The following PYY variants were observed in gnomAD, a reference collection of about 807,000 sequenced individuals.
PYY encodes peptide YY.
Under a neutral mutation model 10.3 loss-of-function variants are expected in PYY, and 12 were observed. The observed-to-expected ratio is 1.17, with a 90% CI of 0.75 to 1.89. The LOEUF (loss-of-function observed/expected upper bound fraction) is 1.89. PYY is among the 40% of genes most tolerant of loss of function. PYY has a pLI of 0.00. For missense variants in PYY, 141 were observed against 134.0 expected, an observed-to-expected ratio of 1.05 and a Z score of -0.26; for synonymous variants, 66 against 62.0, an observed-to-expected ratio of 1.06 and a Z score of -0.30.
At chr17:43,993,352 G>C (rs1054151081) in intron 1 of PYY, among the ~76,000 whole-genome samples, 6 of 152,070 alleles carry the variant, frequency 3.9e-5, no homozygotes, top group African/African-American at 1.4e-4. Context: ...CCAGGTACTC[G>C]GGAGGCTGAG....
At chr17:43,963,570 A>AAAAAGAAAGAAAGAAAGAAAG (rs1404696451) in intron 2 of PYY, among the ~76,000 whole-genome samples, 5 of 104,676 alleles carry the variant, frequency 4.8e-5, no homozygotes, top group African/African-American at 1.8e-4. Context: ...GGAAGGAAGG[A>AAAAAGAAAGAAAGAAAGAAAG]AAAGAAAGAA....
At position 43,987,553 on chromosome 17, in the gene PYY, A is replaced by T. The variant is rs1046601700; in HGVS notation, c.-463+16838T>A. Among the ~76,000 whole-genome samples the T allele has an allele frequency of 6.6e-6, 1 of 152,112 alleles. No individual in the cohort carries two copies. The highest frequency in any genetic ancestry group is 1.5e-5 in the Non-Finnish European group (1 of 68,008). The stretch of plus-strand genomic sequence containing the variant: ...TGAATCCTCAGTCCCCCATCCAGCA[A>T]TCTGTCTCCAGGTCTTGGAGCAGAC... On this transcript the variant is annotated intron_variant, in intron 1 of 6. Coordinates refer to the PYY transcript ENST00000360085. The surrounding 1 kb of genome is among the most constrained non-coding windows in gnomAD (Gnocchi z 4.0).
At chr17:43,971,950 G>A (rs1383934384) in intron 1 of PYY, among the ~76,000 whole-genome samples, 2 of 151,818 alleles carry the variant, frequency 1.3e-5, no homozygotes, top group East Asian at 3.9e-4. Context: ...AGGTCATGAA[G>A]ATTTTCCCCT....
rs1451903175 is a variant in PYY at position 43,975,757 on chromosome 17, C to CAT, written c.-462-9226_-462-9225insAT. 2.1e-4 allele frequency among the ~76,000 whole-genome samples: 29 copies of CAT among 137,880 alleles called. 7 individuals are homozygous for CAT. Among genetic ancestry groups the CAT allele is most frequent in the East Asian group, 7.1e-4 (3 of 4,220 alleles). 90.5% of individuals were successfully genotyped at this position (137,880 alleles called of 152,430 possible). On this transcript the variant is annotated intron_variant, in intron 1 of 6. Coordinates refer to the PYY transcript ENST00000360085. ...ATATATATATATATACACACACACA[C>CAT]ACATATATATATACACACATATATA...
Position 43,953,087 on chromosome 17 carries a change from G to A in PYY, c.269+22C>T, listed in dbSNP as rs371135846. ...CAGGCCGCGCTCTCGGATGCAGGAT[G>A]TGTGGTAACGGGCGCTTTTACCGCG... On this transcript the variant is annotated intron_variant, in intron 3 of 3. Transcript: ENST00000692052. 8 of 1,613,014 alleles carry A rather than the reference G, an allele frequency of 5.0e-6. No individual in the cohort carries two copies. The African/African-American group carries it at 1.1e-4, about 22-fold the overall frequency.
chr17:43,992,398 C>T (rs1567937544), intron 1 of PYY, among the ~76,000 whole-genome samples: 1 of 151,912 alleles, frequency 6.6e-6, no homozygotes, highest in South Asian at 2.1e-4. Flanking sequence ...TTGGCCAACA[C>T]GGTGAAACCC....
In PYY at chr17:43,987,035, A is replaced by G. The variant is rs1480243651; in HGVS notation, c.-463+17356T>C. 6.6e-6 allele frequency among the ~76,000 whole-genome samples: 1 copy of G among 152,198 alleles called. No homozygotes were observed. Among genetic ancestry groups the G allele is most frequent in the Non-Finnish European group, 1.5e-5 (1 of 68,038 alleles). On this transcript the variant is annotated intron_variant, in intron 1 of 6. Coordinates refer to the PYY transcript ENST00000360085. This position sits in a 1 kb window ranked among gnomAD's most constrained non-coding sequence, Gnocchi z 4.0. ...CAACGGCAACACCAGGGCTCAGCTC[A>G]GGCCGGTCTGGCCCTGGCCTCATGA...
At chr17:43,998,210 A>T (rs2143966264) in intron 1 of PYY, among the ~76,000 whole-genome samples, 1 of 150,138 alleles carries the variant, frequency 6.7e-6, no homozygotes. Flanking sequence ...AAGTATTGGG[A>T]TTACAGGCAT....
intron 1 of PYY, among the ~76,000 whole-genome samples, chr17:44,003,702 G>A (rs2049048490): frequency 6.6e-6 from 1 of 151,148 alleles, no homozygotes; most frequent in Non-Finnish European, 1.5e-5. Context: ...GGTTACAGAG[G>A]TCGAGTGAAG....
intron 2 of PYY, among the ~76,000 whole-genome samples, chr17:43,962,832 C>G (rs2048721956): frequency 6.6e-6 from 1 of 152,174 alleles, no homozygotes; most frequent in African/African-American, 2.4e-5. Context: ...GCAAGGGCAC[C>G]AATGCCCTCG....
chr17:43,992,895 T>C (rs1467088485), intron 1 of PYY, among the ~76,000 whole-genome samples: 3 of 84,152 alleles, frequency 3.6e-5, no homozygotes, highest in Admixed American at 2.8e-4. Flanking sequence ...AGGGGGAGGA[T>C]TGTCAGAGGA....
At chr17:43,988,785 C>T (rs1490456508) in intron 1 of PYY, among the ~76,000 whole-genome samples, 4 of 138,730 alleles carry the variant, frequency 2.9e-5, no homozygotes, top group African/African-American at 8.1e-5. Context: ...TTTTTTGAGA[C>T]GGAGTATCAC....
At chr17:43,986,813 C>T (rs1243265297) in intron 1 of PYY, among the ~76,000 whole-genome samples, 1 of 152,198 alleles carries the variant, frequency 6.6e-6, no homozygotes, top group Non-Finnish European at 1.5e-5. Flanking sequence ...ATTCTCAACA[C>T]CAGCTGTCAC....
In PYY at chr17:43,987,838, G is replaced by C. The variant is rs1478722647; in HGVS notation, c.-463+16553C>G. Among the ~76,000 whole-genome samples, 1 of 152,192 alleles carries C rather than the reference G, an allele frequency of 6.6e-6. No homozygotes were observed. Among genetic ancestry groups the C allele is most frequent in the Non-Finnish European group, 1.5e-5 (1 of 68,034 alleles). On this transcript the variant is annotated intron_variant, in intron 1 of 6. Coordinates refer to the PYY transcript ENST00000360085. This position sits in a 1 kb window ranked among gnomAD's most constrained non-coding sequence, Gnocchi z 4.0. ...ACAGATGAACAGAGAACTAAAATTAGCAATAGGGAGGGAGGAAGGGGGCAA... is the reference window on the plus strand; with the variant it reads ...ACAGATGAACAGAGAACTAAAATTACCAATAGGGAGGGAGGAAGGGGGCAA...
In PYY at chr17:43,952,859, G is replaced by A. The variant is rs542802567; in HGVS notation, c.*97C>T. The stretch of plus-strand genomic sequence containing the variant: ...CGCACCCGAACCCTGCCCAGACGCC[G>A]CCGTCGGGAGGCAGAATCCGGGTTT... On this transcript the variant is annotated 3_prime_UTR_variant, in exon 4 of 4. Coordinates refer to ENST00000692052, the MANE Select transcript of PYY (RefSeq NM_001394028.1). The A allele has an allele frequency of 1.8e-4, 249 of 1,366,596 alleles. No homozygotes were observed. In the African/African-American group the frequency reaches 3.5e-3, roughly 19 times the overall value. The allele number at this position is 1,366,596 out of a possible 1,614,324, so 84.7% of individuals were successfully genotyped here. A position where few individuals can be genotyped will look rare whatever the true frequency, so the allele number is the denominator to read the frequency against.
intron 2 of PYY, among the ~76,000 whole-genome samples, chr17:43,962,188 G>C (rs1008354162): frequency 6.6e-6 from 1 of 152,172 alleles, no homozygotes; most frequent in Non-Finnish European, 1.5e-5. Context: ...ATGTGAGCAA[G>C]AGTGATGTGT....
At chr17:43,996,716 C>T (rs1427373361) in intron 1 of PYY, among the ~76,000 whole-genome samples, 1 of 152,106 alleles carries the variant, frequency 6.6e-6, no homozygotes, top group Admixed American at 6.6e-5. Context: ...GAGACAGGGT[C>T]TTGCTCTGTT....
chr17:44,002,446 G>T (rs989989131), intron 1 of PYY, among the ~76,000 whole-genome samples: 1 of 152,176 alleles, frequency 6.6e-6, no homozygotes, highest in Non-Finnish European at 1.5e-5. Flanking sequence ...CGAGCTGTGT[G>T]ACCTTGGCCA....
intron 1 of PYY, among the ~76,000 whole-genome samples, chr17:43,988,758 T>A (rs1374887208): frequency 7.7e-6 from 1 of 129,792 alleles, no homozygotes; most frequent in Non-Finnish European, 1.6e-5. Context: ...CTTTTTCTTC[T>A]TTCTTTCTGT....
Sources: allele counts gnomAD v4.1 joint callset (sites outside exome capture counted in the v4.1 genomes callset), GRCh38; gene constraint gnomAD v4.1.1; non-coding constraint Gnocchi (gnomAD v3.1); transcripts MANE v1.5; gene names NCBI Gene and HGNC (gene_info 2026-07-23, HGNC 2026-07-21).